GASK1B: variants seen among roughly 807,000 people sequenced by gnomAD.
The protein encoded by GASK1B is Golgi-associated kinase 1B.
A neutral mutation model predicts 42.8 loss-of-function variants in GASK1B; 34 were observed. That is an observed-to-expected ratio of 0.79 (90% CI 0.60 to 1.06). The LOEUF (loss-of-function observed/expected upper bound fraction) is 1.06. GASK1B is among the 50% of genes least tolerant of loss of function. GASK1B has a pLI of 0.00. For missense variants in GASK1B, 686 were observed against 661.0 expected (o/e 1.04, Z -0.42); for synonymous variants, 262 against 259.1 (o/e 1.01, Z -0.11).
intron 3 of GASK1B, among the ~76,000 whole-genome samples, chr4:158,139,456 T>C (rs1731034286): frequency 6.6e-6 from 1 of 152,164 alleles, no homozygotes; most frequent in Non-Finnish European, 1.5e-5. Context: ...TCACAGAATC[T>C]TAGAATCACA....
chr4:158,171,068 T>C lies in GASK1B; in HGVS notation c.308A>G (p.Gln103Arg). Residue 103 changes from glutamine to arginine, a missense_variant, in exon 2 of 5, where the codon CAG becomes CGG. Physicochemically the swap from Gln to Arg is conservative, Grantham distance 43 (BLOSUM62 1). Coordinates refer to ENST00000585682, the MANE Select transcript of GASK1B (RefSeq NM_001128424.2). ...TAGGGTAATGTACACCACATTGGGC[T>C]GCAGAGTGGACCCATTGCCCTGGGA... Reference protein sequence around the residue: ...PESQGNGSTLQPNVVYITLRS... With the variant: ...PESQGNGSTLRPNVVYITLRS... 6.2e-7 allele frequency: 1 copy of C among 1,611,860 alleles called. No individual in the cohort carries two copies. The highest frequency in any genetic ancestry group is 8.5e-7 in the Non-Finnish European group (1 of 1,178,196).
chr4:158,146,610 A>G (rs1731340474), intron 3 of GASK1B, among the ~76,000 whole-genome samples: 2 of 152,184 alleles, frequency 1.3e-5, no homozygotes, highest in Non-Finnish European at 2.9e-5. Flanking sequence ...GAGAGGTTCA[A>G]GCAACTTCTT....
At chr4:158,148,248 CA>C (rs1223727551) in intron 3 of GASK1B, among the ~76,000 whole-genome samples, 1 of 152,072 alleles carries the variant, frequency 6.6e-6, no homozygotes, top group Non-Finnish European at 1.5e-5. Context: ...ATAATATCCT[CA>C]ATATCACTCA....
At chr4:158,163,822 A>G (rs1017989575) in intron 2 of GASK1B, among the ~76,000 whole-genome samples, 6 of 152,144 alleles carry the variant, frequency 3.9e-5, no homozygotes, top group African/African-American at 1.4e-4. Context: ...CACACCCCCA[A>G]ACACAAAGCT....
In GASK1B at chr4:158,170,923, C is replaced by G; in HGVS notation, c.453G>C (p.Gln151His). 6.2e-7 allele frequency: 1 copy of G among 1,614,260 alleles called. No homozygotes were observed. Among genetic ancestry groups the G allele is most frequent in the Non-Finnish European group, 8.5e-7 (1 of 1,180,056 alleles). The change falls in exon 2 of 5, where the codon CAG (glutamine) becomes CAC (histidine). Residue 151 changes from glutamine to histidine, a missense_variant. By Grantham distance (24) the Gln-to-His change is conservative. Transcript: ENST00000585682. ...GQEALVGPSL[Q>H]PQEAAREADA... ...CAGCTTCCCTTGCCGCTTCCTGCGG[C>G]TGAAGGGATGGTCCGACCAAAGCCT...
At position 158,171,018 on chromosome 4, in the gene GASK1B, T is replaced by C; in HGVS notation, c.358A>G (p.Asn120Asp). The C allele has an allele frequency of 6.2e-7, 1 of 1,614,016 alleles. No homozygotes were observed. The highest frequency in any genetic ancestry group is 8.5e-7 in the Non-Finnish European group (1 of 1,179,888). Reference protein sequence around the residue: ...TLRSKRSKPANIRGTVKPKRR... With the variant: ...TLRSKRSKPADIRGTVKPKRR... ...TTGGGCTTCACGGTGCCACGGATAT[T>C]GGCCGGCTTGCTGCGCTTGGAGCGT... is the stretch of plus-strand genomic sequence containing the variant. Residue 120 changes from asparagine (N) to aspartate (D), a missense_variant, in exon 2 of 5, where the codon AAT (asparagine) becomes GAT (aspartate). Physicochemically the swap from Asn to Asp is conservative, Grantham distance 23 (BLOSUM62 1). Transcript: ENST00000585682.
At chr4:158,135,364 TTATA>T (rs1426802532) in intron 3 of GASK1B, among the ~76,000 whole-genome samples, 2 of 150,026 alleles carry the variant, frequency 1.3e-5, no homozygotes, top group African/African-American at 4.9e-5. Flanking sequence ...TTTATTTTAT[TTATA>T]TATATAAAAT....
chr4:158,143,554 T>G (rs567061213), intron 3 of GASK1B, among the ~76,000 whole-genome samples: 2 of 152,176 alleles, frequency 1.3e-5, no homozygotes, highest in East Asian at 3.9e-4. Context: ...TGAGGTAACA[T>G]TAATAGAAAT....
intron 2 of GASK1B, chr4:158,168,833 T>C (rs554421706): frequency 5.9e-5 from 9 of 152,018 alleles, no homozygotes; most frequent in African/African-American, 1.9e-4. Flanking sequence ...GACATGAAAA[T>C]GAATGGGATT....
In GASK1B at chr4:158,171,033, G is replaced by A. The variant is rs773065820; in HGVS notation, c.343C>T (p.Arg115Cys). 37 of 1,613,832 alleles carry A rather than the reference G, an allele frequency of 2.3e-5. No individual in the cohort carries two copies. The highest frequency in any genetic ancestry group is 3.0e-5 in the Non-Finnish European group (35 of 1,179,854). The stretch of plus-strand genomic sequence containing the variant: ...CCACGGATATTGGCCGGCTTGCTGC[G>A]CTTGGAGCGTAGGGTAATGTACACC... ...NVVYITLRSK[R>C]SKPANIRGTV... The change falls in exon 2 of 5, where the codon CGC becomes TGC. Residue 115 changes from arginine (R) to cysteine (C), a missense_variant. Transcript: ENST00000585682.
chr4:158,150,024 C>T (rs1203327850), intron 3 of GASK1B, among the ~76,000 whole-genome samples: 1 of 150,346 alleles, frequency 6.7e-6, no homozygotes, highest in Non-Finnish European at 1.5e-5. Context: ...TCCCCAGGTT[C>T]ACGCCATTCT....
chr4:158,162,010 G>GT (rs951316947), intron 2 of GASK1B, among the ~76,000 whole-genome samples: 3 of 152,096 alleles, frequency 2.0e-5, no homozygotes, highest in Non-Finnish European at 4.4e-5. Context: ...CTAATCTGTT[G>GT]TTTTTCCGAA....
At chr4:158,140,169 A>G (rs1200331847) in intron 3 of GASK1B, among the ~76,000 whole-genome samples, 4 of 152,198 alleles carry the variant, frequency 2.6e-5, no homozygotes, top group African/African-American at 9.6e-5. Context: ...GTGAAAAACC[A>G]AAGGTCTCAG....
Position 158,170,593 on chromosome 4 carries a change from G to A in GASK1B, c.783C>T (p.Gly261=). The A allele has an allele frequency of 6.2e-7, 1 of 1,613,976 alleles. No individual in the cohort carries two copies. Among genetic ancestry groups the A allele is most frequent in the Non-Finnish European group, 8.5e-7 (1 of 1,180,044 alleles). Residue 261 remains glycine (G), a synonymous_variant, in exon 2 of 5, where the codon GGC becomes GGT. Transcript: ENST00000585682. The part of the protein sequence containing the change: ...GGAPGAVLRC[G]PSPCGLLKQP... Reference sequence around the variant, plus strand: ...GCTTGAGAAGCCCACAGGGGCTAGGGCCACAGCGGAGCACAGCGCCAGGTG... The same window carrying A: ...GCTTGAGAAGCCCACAGGGGCTAGGACCACAGCGGAGCACAGCGCCAGGTG...
chr4:158,138,652 T>C (rs1323221494), intron 3 of GASK1B, among the ~76,000 whole-genome samples: 1 of 151,980 alleles, frequency 6.6e-6, no homozygotes, highest in Non-Finnish European at 1.5e-5. Context: ...TTCTATAATA[T>C]AGATTTTTAA....
At chr4:158,153,494 G>GA (rs551959876) in intron 3 of GASK1B, among the ~76,000 whole-genome samples, 2 of 151,906 alleles carry the variant, frequency 1.3e-5, no homozygotes, top group South Asian at 2.1e-4. Flanking sequence ...CACAGAACTA[G>GA]AAAAAAAGAC....
At chr4:158,152,198 T>C (rs189120212) in intron 3 of GASK1B, among the ~76,000 whole-genome samples, 10 of 152,324 alleles carry the variant, frequency 6.6e-5, no homozygotes, top group Admixed American at 5.9e-4. Flanking sequence ...ATTTGGGGAC[T>C]TGGACTGGCT....
At chr4:158,164,814 G>A (rs909406754) in intron 2 of GASK1B, among the ~76,000 whole-genome samples, 1 of 152,164 alleles carries the variant, frequency 6.6e-6, no homozygotes, top group East Asian at 1.9e-4. Flanking sequence ...ACATCCCCCT[G>A]CCTCGGCAAC....
chr4:158,155,512 G>T, intron 3 of GASK1B, 99 bp downstream of exon 3: 2 of 1,041,398 alleles, frequency 1.9e-6, no homozygotes, highest in Non-Finnish European at 2.8e-6. Context: ...GTTATCACCA[G>T]CTTCATAAAA....
Sources: gnomAD v4.1 joint callset for allele counts (sites outside exome capture counted in the v4.1 genomes callset) on GRCh38, gnomAD v4.1.1 for gene constraint, MANE v1.5 for transcripts, NCBI Gene and HGNC (gene_info 2026-07-23, HGNC 2026-07-21) for gene names.